Variants in PPP4R3A observed in about 807,000 individuals in gnomAD.
PPP4R3A encodes protein phosphatase 4 regulatory subunit 3A.
In PPP4R3A, 15 loss-of-function variants were observed where a neutral mutation model predicts 91.7. The observed-to-expected ratio is 0.16, with a 90% CI of 0.11 to 0.25. The LOEUF is 0.25. Among genes scored for constraint, PPP4R3A ranks in the 10% least tolerant of loss-of-function variants. PPP4R3A has a pLI of 1.00. For missense variants in PPP4R3A, 623 were observed against 998.4 expected, an observed-to-expected ratio of 0.62 and a Z score of 5.07; for synonymous variants, 377 against 348.7, an observed-to-expected ratio of 1.08 and a Z score of -0.91.
intron 11 of PPP4R3A, among the ~76,000 whole-genome samples, chr14:91,463,146 A>G (rs1444412469): frequency 6.6e-6 from 1 of 151,888 alleles, no homozygotes; most frequent in Non-Finnish European, 1.5e-5. Flanking sequence ...GCTCACTGCA[A>G]CCTCTGCCTC....
rs372093908 is a variant in PPP4R3A at position 91,473,208 on chromosome 14, A to G, written c.1398+31T>C. On this transcript the variant is annotated intron_variant, in intron 8 of 14. Coordinates refer to ENST00000554943, the MANE Select transcript of PPP4R3A (RefSeq NM_001366432.2). The stretch of plus-strand genomic sequence containing the variant: ...ACCAGCAATACACAATATACTAGCT[A>G]TGAAAAAGAGGGGAAATGCTCATGG... 3.1e-6 allele frequency: 5 copies of G among 1,612,358 alleles called. No homozygotes were observed. In the African/African-American group the frequency reaches 6.7e-5, roughly 22 times the overall value.
Position 91,462,961 on chromosome 14 carries a change from C to T in PPP4R3A, c.1831-84G>A, listed in dbSNP as rs894944874. ...GCTTAATTTAATCAATTCATACCCA[C>T]CAAAAATAGCTTAATTTAATAAAAC... On this transcript the variant is annotated intron_variant, in intron 11 of 14. Transcript: ENST00000554943. The T allele has an allele frequency of 9.5e-6, 10 of 1,047,932 alleles. No homozygotes were observed. The African/African-American group carries it at 1.6e-4, about 17-fold the overall frequency. 64.9% of individuals were successfully genotyped at this position (1,047,932 alleles called of 1,614,324 possible).
intron 10 of PPP4R3A, among the ~76,000 whole-genome samples, chr14:91,469,116 TA>T (rs34445337): frequency 4.7e-4 from 62 of 133,126 alleles, no homozygotes; most frequent in Non-Finnish European, 6.2e-4. Flanking sequence ...ATTTTTTCTG[TA>T]AAAAAAAAAA....
In PPP4R3A at chr14:91,485,756, ATGAT is replaced by A. The variant is rs753794525; in HGVS notation, c.199-30_199-27del. On this transcript the variant is annotated intron_variant, in intron 2 of 14. Transcript: ENST00000554943. ...CTTTGGAGACATAAAAGGAGTCTGA[ATGAT>A]TAACATACACTATCACAAACGAAAA... is the stretch of plus-strand genomic sequence containing the variant. The A allele has an allele frequency of 2.2e-5, 32 of 1,478,088 alleles. 1 individual carries two copies. The East Asian group carries it at 7.0e-4, about 32-fold the overall frequency. 91.6% of individuals were successfully genotyped at this position (1,478,088 alleles called of 1,614,324 possible).
rs1208953221 is a variant in PPP4R3A at position 91,490,355 on chromosome 14, C to G, written c.198+392G>C. 2.6e-5 allele frequency among the ~76,000 whole-genome samples: 4 copies of G among 151,914 alleles called. No individual in the cohort carries two copies. In the East Asian group the frequency reaches 7.7e-4, roughly 29 times the overall value. The stretch of plus-strand genomic sequence containing the variant: ...TGTAAAAGAAATCAGATTCATATGA[C>G]AGATTCCTATCTACACAGTACTGCT... On this transcript the variant is annotated intron_variant, in intron 2 of 14. Transcript: ENST00000554943.
chr14:91,489,648 T>G (rs1890117279), intron 2 of PPP4R3A, among the ~76,000 whole-genome samples: 1 of 152,248 alleles, frequency 6.6e-6, no homozygotes, highest in Non-Finnish European at 1.5e-5. Context: ...GATGTGCTTT[T>G]ACTCTTCAGC....
intron 10 of PPP4R3A, among the ~76,000 whole-genome samples, chr14:91,469,528 T>C (rs1888707659): frequency 1.3e-5 from 2 of 152,236 alleles, no homozygotes; most frequent in Non-Finnish European, 2.9e-5. Context: ...GTTTAATGAA[T>C]TTTAAAAGAA....
chr14:91,464,300 G>A (rs1355119961), intron 11 of PPP4R3A, among the ~76,000 whole-genome samples: 1 of 151,878 alleles, frequency 6.6e-6, no homozygotes, highest in Non-Finnish European at 1.5e-5. Context: ...CAGCCTGGGT[G>A]ACAGAGTGAG....
chr14:91,466,918 G>T (rs1664901163), intron 10 of PPP4R3A, among the ~76,000 whole-genome samples: 1 of 139,938 alleles, frequency 7.1e-6, no homozygotes, highest in African/African-American at 2.7e-5. Context: ...TGCGGGCTTT[G>T]TGGAGACTTG....
chr14:91,472,386 T>C (rs1172466595), intron 9 of PPP4R3A, among the ~76,000 whole-genome samples: 2 of 150,462 alleles, frequency 1.3e-5, no homozygotes, highest in East Asian at 2.0e-4. Flanking sequence ...AATACAAATA[T>C]TGTTCAACAA....
At chr14:91,493,879 T>C (rs67516930) in intron 1 of PPP4R3A, among the ~76,000 whole-genome samples, 70,983 of 149,328 alleles carry the variant, frequency 0.48, 17,925 homozygotes, top group Admixed American at 0.52. Flanking sequence ...TTCAAGTGAT[T>C]GTCCTGCCTC....
At chr14:91,484,093 A>C (rs535756539) in intron 3 of PPP4R3A, among the ~76,000 whole-genome samples, 1 of 152,316 alleles carries the variant, frequency 6.6e-6, no homozygotes, top group Non-Finnish European at 1.5e-5. Context: ...TACAAGACAA[A>C]ATCTAGAGAC....
chr14:91,462,309 T>TAAACTTGTTAACATAGGGAATTAAC, intron 12 of PPP4R3A, 70 bp from the exon 13 acceptor site: 1 of 1,358,228 alleles, frequency 7.4e-7, no homozygotes, highest in South Asian at 2.0e-5. Context: ...GATGACTTAT[T>TAAACTTGTTAACATAGGGAATTAAC]AAACTTGTTA....
At chr14:91,471,072 A>T (rs1452743031) in intron 9 of PPP4R3A, 77 bp from the exon 10 acceptor site, 4 of 1,346,720 alleles carry the variant, frequency 3.0e-6, no homozygotes, top group Non-Finnish European at 4.0e-6. Context: ...CTCAAATTCT[A>T]ATCAAGTAAA....
intron 1 of PPP4R3A, among the ~76,000 whole-genome samples, chr14:91,499,428 T>C (rs751321099): frequency 1.3e-5 from 2 of 152,126 alleles, no homozygotes; most frequent in Non-Finnish European, 2.9e-5. Context: ...CTGTGTATCC[T>C]GACATTAATT....
chr14:91,494,217 G>C (rs1890404263), intron 1 of PPP4R3A, among the ~76,000 whole-genome samples: 1 of 152,144 alleles, frequency 6.6e-6, no homozygotes. Flanking sequence ...TTCAGAAGAT[G>C]CAAGATCTCT....
intron 14 of PPP4R3A, among the ~76,000 whole-genome samples, chr14:91,460,203 G>A (rs1161320242): frequency 2.6e-5 from 4 of 151,966 alleles, no homozygotes; most frequent in Admixed American, 1.3e-4. Context: ...TAGTAGAGAC[G>A]GGGTTTCACC....
intron 1 of PPP4R3A, among the ~76,000 whole-genome samples, chr14:91,504,057 T>C (rs1041089774): frequency 1.3e-5 from 2 of 151,888 alleles, no homozygotes; most frequent in Non-Finnish European, 2.9e-5. Context: ...GTGAGAACCT[T>C]TGAAAAAATT....
chr14:91,498,029 C>T (rs1402881825), intron 1 of PPP4R3A, among the ~76,000 whole-genome samples: 1 of 152,026 alleles, frequency 6.6e-6, no homozygotes, highest in Non-Finnish European at 1.5e-5. Flanking sequence ...AAAATTAGGC[C>T]AGATGTTGCA....
Sources: gnomAD v4.1 joint callset for allele counts (sites outside exome capture counted in the v4.1 genomes callset) on GRCh38, gnomAD v4.1.1 for gene constraint, MANE v1.5 for transcripts, NCBI Gene and HGNC (gene_info 2026-07-23, HGNC 2026-07-21) for gene names.